The following EXOC4 variants were observed in gnomAD, a reference collection of about 807,000 sequenced individuals.
The protein encoded by EXOC4 is exocyst complex component 4, also known as SEC8-like 1.
A neutral mutation model predicts 107.2 loss-of-function variants in EXOC4; 71 were observed. That is an observed-to-expected ratio of 0.66 (90% CI 0.55 to 0.81). The LOEUF is 0.81. Among genes scored for constraint, EXOC4 ranks in the 30% least tolerant of loss-of-function variants. The pLI, the probability that EXOC4 is intolerant of heterozygous loss-of-function variation, is 0.00. For missense variants in EXOC4, 1,108 were observed against 1,189.6 expected (o/e 0.93, Z 1.01); for synonymous variants, 456 against 441.2 (o/e 1.03, Z -0.42).
At chr7:133,356,286 T>C in intron 5 of EXOC4, 44 bp from the exon 6 acceptor site, 1 of 1,597,672 alleles carries the variant, frequency 6.3e-7, no homozygotes, top group Non-Finnish European at 8.5e-7. Context: ...TTGGGGTTTT[T>C]GAGTGGAGTC....
chr7:133,597,581 A>C (rs1270177660), intron 9 of EXOC4, among the ~76,000 whole-genome samples: 1 of 147,822 alleles, frequency 6.8e-6, no homozygotes, highest in African/African-American at 2.5e-5. Context: ...AAAAACCCAA[A>C]AAAAAAACCC....
intron 10 of EXOC4, among the ~76,000 whole-genome samples, chr7:133,640,229 G>A (rs1802820647): frequency 1.3e-5 from 2 of 151,990 alleles, no homozygotes; most frequent in African/African-American, 4.8e-5. Flanking sequence ...AACCATTATT[G>A]TGAATTCTAT....
chr7:133,855,102 T>TATCTAA (rs1440979827), intron 11 of EXOC4, among the ~76,000 whole-genome samples: 1 of 41,880 alleles, frequency 2.4e-5, no homozygotes, highest in Non-Finnish European at 5.1e-5. Flanking sequence ...AATATATATA[T>TATCTAA]AAATATATAT....
chr7:133,545,291 C>T (rs1015076445), intron 9 of EXOC4, among the ~76,000 whole-genome samples: 11 of 152,074 alleles, frequency 7.2e-5, no homozygotes, highest in African/African-American at 2.7e-4. Flanking sequence ...AGATGTTGAA[C>T]AAGTTATAAA....
At chr7:133,763,951 G>C (rs988254390) in intron 10 of EXOC4, among the ~76,000 whole-genome samples, 1 of 151,966 alleles carries the variant, frequency 6.6e-6, no homozygotes, top group Non-Finnish European at 1.5e-5. Flanking sequence ...GTCTTGTTTT[G>C]ATTTTTGTAG....
chr7:133,517,960 C>T (rs1799910458), intron 9 of EXOC4, among the ~76,000 whole-genome samples: 1 of 151,004 alleles, frequency 6.6e-6, no homozygotes, highest in Admixed American at 6.7e-5. Flanking sequence ...GTCTGGGACT[C>T]GACTATGTAG....
intron 11 of EXOC4, among the ~76,000 whole-genome samples, chr7:133,822,690 C>T (rs1797552008): frequency 6.6e-6 from 1 of 152,076 alleles, no homozygotes; most frequent in Admixed American, 6.6e-5. Flanking sequence ...GGCCTGGGAG[C>T]TTATGAGAAA....
intron 5 of EXOC4, among the ~76,000 whole-genome samples, chr7:133,338,623 AT>A (rs1164633127): frequency 0.14 from 13,551 of 95,576 alleles, 2,845 homozygotes; most frequent in African/African-American, 0.32. Context: ...AAAAAAAAAA[AT>A]TTTTATTTCA....
intron 14 of EXOC4, among the ~76,000 whole-genome samples, chr7:133,954,234 A>T (rs1364768624): frequency 2.0e-5 from 3 of 152,220 alleles, no homozygotes; most frequent in Non-Finnish European, 4.4e-5. Flanking sequence ...GTCACATTAT[A>T]ATTATCTAAG....
At chr7:134,045,193 A>G (rs543829118) in intron 17 of EXOC4, among the ~76,000 whole-genome samples, 20 of 152,304 alleles carry the variant, frequency 1.3e-4, no homozygotes, top group African/African-American at 4.3e-4. Flanking sequence ...CTTTGGCTGA[A>G]TTATATTTCT....
chr7:133,605,907 A>ATT, intron 9 of EXOC4, among the ~76,000 whole-genome samples: 1 of 152,238 alleles, frequency 6.6e-6, no homozygotes, highest in South Asian at 2.1e-4. Flanking sequence ...ATGAGGTGGA[A>ATT]TTAGCCAGGA....
At position 134,038,649 on chromosome 7, in the gene EXOC4, C is replaced by T. The variant is rs536211361; in HGVS notation, c.2688-25642C>T. Among the ~76,000 whole-genome samples the T allele has an allele frequency of 4.6e-5, 7 of 152,150 alleles. No individual in the cohort carries two copies. In the East Asian group the frequency reaches 1.4e-3, roughly 29 times the overall value. On this transcript the variant is annotated intron_variant, in intron 17 of 17. Transcript: ENST00000253861. ...CATTCTCATTTTTATTTTACTTCTC[C>T]TGTTTATTTACCTTATGTTCCTTCG...
In EXOC4 at chr7:134,045,807, A is replaced by G. The variant is rs141307778; in HGVS notation, c.2688-18484A>G. Among the ~76,000 whole-genome samples, 3 of 152,180 alleles carry G rather than the reference A, an allele frequency of 2.0e-5. No individual in the cohort carries two copies. The East Asian group carries it at 5.8e-4, about 29-fold the overall frequency. On this transcript the variant is annotated intron_variant, in intron 17 of 17. Transcript: ENST00000253861. ...CCCAAACGCTACCCCTGGCAACCAT[A>G]CATCTACTTTCTGTCTCTGTGGGTT...
At chr7:133,849,442 G>C (rs1279439689) in intron 11 of EXOC4, among the ~76,000 whole-genome samples, 7 of 152,042 alleles carry the variant, frequency 4.6e-5, no homozygotes, top group Non-Finnish European at 7.4e-5. Flanking sequence ...TAAAAAAAGA[G>C]CTTAAGGAGT....
intron 9 of EXOC4, among the ~76,000 whole-genome samples, chr7:133,485,111 A>G (rs13240465): frequency 0.28 from 40,489 of 143,694 alleles, 7,115 homozygotes; most frequent in Middle Eastern, 0.4. Flanking sequence ...ATAAATAAAT[A>G]AATAAATAAT....
chr7:133,698,518 G>A (rs1326180780), intron 10 of EXOC4, among the ~76,000 whole-genome samples: 4 of 149,964 alleles, frequency 2.7e-5, no homozygotes, highest in African/African-American at 9.9e-5. Context: ...TGAGGTTGAG[G>A]TTGCAGTGAG....
chr7:133,501,189 T>G (rs1257509784), intron 9 of EXOC4, among the ~76,000 whole-genome samples: 1 of 152,224 alleles, frequency 6.6e-6, no homozygotes, highest in African/African-American at 2.4e-5. Context: ...TTGTAAGTTC[T>G]GAATAAATCC....
chr7:133,416,810 G>C (rs1797485882), intron 7 of EXOC4, among the ~76,000 whole-genome samples: 1 of 152,154 alleles, frequency 6.6e-6, no homozygotes, highest in South Asian at 2.1e-4. Context: ...TTGCAGGGAG[G>C]GAAGCTAAGC....
At chr7:133,336,424 C>G (rs1300499177) in intron 5 of EXOC4, among the ~76,000 whole-genome samples, 1 of 152,098 alleles carries the variant, frequency 6.6e-6, no homozygotes, top group African/African-American at 2.4e-5. Context: ...ATTCTCCCCC[C>G]AAAGAGAAAG....
Sources: allele counts gnomAD v4.1 joint callset (sites outside exome capture counted in the v4.1 genomes callset), GRCh38; gene constraint gnomAD v4.1.1; transcripts MANE v1.5; gene names NCBI Gene and HGNC (gene_info 2026-07-23, HGNC 2026-07-21).